Variants in ANO1 observed in about 807,000 individuals in gnomAD.
ANO1 encodes anoctamin 1, also known as anoctamin-1.
Under a neutral mutation model 124.0 loss-of-function variants are expected in ANO1, and 59 were observed. That is an observed-to-expected ratio of 0.48 (90% CI 0.39 to 0.59). The LOEUF (loss-of-function observed/expected upper bound fraction) is 0.59, where lower values mean the gene tolerates loss of function less well. ANO1 is among the 20% of genes least tolerant of loss of function. The probability of loss-of-function intolerance (pLI) is 0.00; values close to 1 mark genes in which losing one functional copy is unlikely to be tolerated. For synonymous variants in ANO1, 529 were observed against 532.0 expected (o/e 0.99, Z 0.08); for missense variants, 1,059 against 1,328.0 (o/e 0.80, Z 3.15).
intron 1 of ANO1, among the ~76,000 whole-genome samples, chr11:70,052,785 C>T (rs1057229019): frequency 1.3e-5 from 2 of 151,844 alleles, no homozygotes; most frequent in African/African-American, 4.8e-5. Flanking sequence ...AAACTTCTGA[C>T]CTCAGATGAT....
upstream of ANO1, among the ~76,000 whole-genome samples, chr11:69,983,236 C>T (rs1182494304): frequency 6.6e-6 from 1 of 152,038 alleles, no homozygotes; most frequent in East Asian, 1.9e-4. Context: ...CCAAGCCAGG[C>T]CCAAGGCCTC....
chr11:70,142,680 C>T (rs1487447439), intron 11 of ANO1, among the ~76,000 whole-genome samples: 2 of 152,198 alleles, frequency 1.3e-5, no homozygotes, highest in Non-Finnish European at 2.9e-5. Flanking sequence ...CTCCAGCTGC[C>T]ATAACCAAAT....
At chr11:70,150,580 G>A (rs910672774) in intron 12 of ANO1, among the ~76,000 whole-genome samples, 16 of 152,110 alleles carry the variant, frequency 1.1e-4, no homozygotes, top group Non-Finnish European at 2.1e-4. Flanking sequence ...TGTCACCTAA[G>A]CTGCGGTGCA....
chr11:70,039,098 G>T (rs1158437104), intron 1 of ANO1, among the ~76,000 whole-genome samples: 1 of 152,162 alleles, frequency 6.6e-6, no homozygotes, highest in Non-Finnish European at 1.5e-5. Flanking sequence ...GGATCTGGGG[G>T]ATTGAGTCTG....
intron 2 of ANO1, among the ~76,000 whole-genome samples, chr11:70,091,951 G>T (rs2044644998): frequency 6.6e-6 from 1 of 152,244 alleles, no homozygotes; most frequent in Non-Finnish European, 1.5e-5. Flanking sequence ...GTCATGCCCT[G>T]CACCTGCACA....
At chr11:70,121,282 CTCTG>C (rs961178535) in intron 8 of ANO1, among the ~76,000 whole-genome samples, 90 of 150,878 alleles carry the variant, frequency 6.0e-4, no homozygotes, top group South Asian at 5.8e-3. Flanking sequence ...CCCCATGTCT[CTCTG>C]TCTGTCTGTC....
chr11:70,166,607 T>G (rs2048264382), intron 20 of ANO1, among the ~76,000 whole-genome samples: 2 of 152,154 alleles, frequency 1.3e-5, no homozygotes, highest in Non-Finnish European at 2.9e-5. Context: ...TTTTCCATGA[T>G]CTGTGTCCTT....
At chr11:70,059,602 T>A (rs188449720) in intron 1 of ANO1, among the ~76,000 whole-genome samples, 155 of 151,952 alleles carry the variant, frequency 1.0e-3, no homozygotes, top group African/African-American at 3.5e-3. Context: ...GCCTGATGCG[T>A]AGGAAAAGGA....
chr11:70,167,849 C>G (rs77662815), intron 21 of ANO1, among the ~76,000 whole-genome samples: 1 of 152,180 alleles, frequency 6.6e-6, no homozygotes, highest in Non-Finnish European at 1.5e-5. Context: ...TGAAACCCCC[C>G]ACAATCCAAG....
intron 5 of ANO1, among the ~76,000 whole-genome samples, chr11:70,107,495 GGGC>G (rs2045599610): frequency 1.6e-5 from 2 of 121,376 alleles, no homozygotes; most frequent in Non-Finnish European, 3.7e-5. Flanking sequence ...GGAGGCGGCG[GGGC>G]GGGGAAGCGG....
intron 8 of ANO1, among the ~76,000 whole-genome samples, chr11:70,117,380 A>G (rs2046027741): frequency 6.6e-6 from 1 of 151,922 alleles, no homozygotes; most frequent in Non-Finnish European, 1.5e-5. Flanking sequence ...CAGCCCCTTT[A>G]TTCTTTAGTG....
chr11:70,090,065 AG>A (rs1473673126), intron 2 of ANO1, among the ~76,000 whole-genome samples: 2 of 152,174 alleles, frequency 1.3e-5, no homozygotes, highest in African/African-American at 4.8e-5. Context: ...TCTGTTGCCC[AG>A]GCTGGAGTGC....
In ANO1 at chr11:70,105,424, T is replaced by A. The variant is rs11234307; in HGVS notation, c.693-310T>A. 3.9e-3 allele frequency among the ~76,000 whole-genome samples: 576 copies of A among 146,656 alleles called. 2 individuals are homozygous for A. The highest frequency in any genetic ancestry group is 5.7e-3 in the Non-Finnish European group (377 of 66,328). On this transcript the variant is annotated intron_variant, in intron 4 of 25. Coordinates refer to ENST00000355303, the MANE Select transcript of ANO1 (RefSeq NM_018043.7). ...CTTTCAAAACTGCCCACTGAGGATG[T>A]CATCAAAAGGAAGCAGGGATCTTCT...
Position 70,165,578 on chromosome 11 carries a change from T to G in ANO1, c.2051+8T>G. 6.2e-7 allele frequency: 1 copy of G among 1,607,734 alleles called. No homozygotes were observed. Among genetic ancestry groups the G allele is most frequent in the Admixed American group, 1.7e-5 (1 of 59,434 alleles). On this transcript the variant is annotated splice_region_variant and intron_variant, in intron 20 of 25. Coordinates refer to ENST00000355303, the MANE Select transcript of ANO1 (RefSeq NM_018043.7). Reference sequence around the variant, plus strand: ...GTTCGAGATCGGCATCCCGTGAGTGTGCTGCAGCGGGTTAGAGCGGCAGGG... The same window carrying G: ...GTTCGAGATCGGCATCCCGTGAGTGGGCTGCAGCGGGTTAGAGCGGCAGGG...
upstream of ANO1, among the ~76,000 whole-genome samples, chr11:69,981,912 A>G (rs1474272909): frequency 1.3e-5 from 2 of 152,386 alleles, no homozygotes; most frequent in East Asian, 1.9e-4. Context: ...TCCAAACATA[A>G]TGAAAGAAGC....
the ANO1 span, among the ~76,000 whole-genome samples, chr11:69,971,377 C>G: frequency 6.6e-6 from 1 of 152,168 alleles, no homozygotes; most frequent in African/African-American, 2.4e-5. Flanking sequence ...CTGTTCTCTG[C>G]TGTATCCTAG....
chr11:70,123,494 C>T (rs962294632), intron 8 of ANO1, among the ~76,000 whole-genome samples: 9 of 152,328 alleles, frequency 5.9e-5, no homozygotes, highest in African/African-American at 2.2e-4. Flanking sequence ...TATGGAGGCT[C>T]CAAGGGGTTC....
intron 2 of ANO1, among the ~76,000 whole-genome samples, chr11:70,093,851 C>T (rs1035596169): frequency 2.0e-5 from 3 of 152,382 alleles, no homozygotes; most frequent in South Asian, 2.1e-4. Context: ...GTGGTGGAGA[C>T]GCAACCTCGG....
At chr11:70,141,204 T>G (rs1250954118) in intron 11 of ANO1, among the ~76,000 whole-genome samples, 2 of 152,208 alleles carry the variant, frequency 1.3e-5, no homozygotes, top group Non-Finnish European at 2.9e-5. Context: ...GTAGTGCTAC[T>G]GAGCGCGCCG....
Sources: gnomAD v4.1 joint callset for allele counts (sites outside exome capture counted in the v4.1 genomes callset) on GRCh38, gnomAD v4.1.1 for gene constraint, MANE v1.5 for transcripts, NCBI Gene and HGNC (gene_info 2026-07-23, HGNC 2026-07-21) for gene names.